The following FRMPD2 variants were observed in gnomAD, a reference collection of about 807,000 sequenced individuals.
FRMPD2 encodes the protein FERM and PDZ domain containing 2.
Under a neutral mutation model 140.1 loss-of-function variants are expected in FRMPD2, and 96 were observed. The observed-to-expected ratio is 0.69, with a 90% confidence interval of 0.58 to 0.81. FRMPD2 has a LOEUF of 0.81. FRMPD2 is among the 40% of genes least tolerant of loss of function. The pLI is 0.00. For missense variants in FRMPD2, 1,240 were observed against 1,447.4 expected (o/e 0.86, Z 2.32); for synonymous variants, 449 against 547.6 (o/e 0.82, Z 2.52).
chr10:48,201,214 C>T lies in FRMPD2; in HGVS notation c.1954+14G>A, dbSNP rs148294746. ...CTTGTCAAAGTGTATATGGAGAATA[C>T]AGCTTCTACTCACCAAATAAAACAT... On this transcript the variant is annotated intron_variant, in intron 15 of 28. Coordinates refer to ENST00000374201, the MANE Select transcript of FRMPD2 (RefSeq NM_001018071.4). 1.7e-5 allele frequency: 27 copies of T among 1,584,946 alleles called. No individual in the cohort carries two copies. In the African/African-American group the frequency reaches 3.3e-4, roughly 19 times the overall value.
chr10:48,213,729 G>C (rs7915014), intron 12 of FRMPD2, among the ~76,000 whole-genome samples: 8 of 152,096 alleles, frequency 5.3e-5, no homozygotes, highest in Admixed American at 3.9e-4. Flanking sequence ...GGTCTGTAAA[G>C]GCTACTTACT....
chr10:48,249,180 T>C lies in FRMPD2; in HGVS notation c.152-2A>G, dbSNP rs755760479. The C allele has an allele frequency of 1.9e-5, 30 of 1,613,288 alleles. No individual in the cohort carries two copies. The highest frequency in any genetic ancestry group is 2.5e-5 in the Non-Finnish European group (29 of 1,179,602). ...GGCAAACCACATAGTCCGAGGAATC[T>C]GAAACCAAGCCAGTGATGGGGCTGT... On this transcript the variant is annotated splice_acceptor_variant, in intron 2 of 28. Transcript: ENST00000374201. LOFTEE classifies it high-confidence loss of function.
chr10:48,270,676 G>A (rs1295311833), intron 1 of FRMPD2, among the ~76,000 whole-genome samples: 1 of 151,882 alleles, frequency 6.6e-6, no homozygotes, highest in East Asian at 1.9e-4. Flanking sequence ...CCCCTTAGAT[G>A]TAGAGAGCTG....
chr10:48,233,476 A>G (rs1310898966), intron 9 of FRMPD2, among the ~76,000 whole-genome samples: 1 of 152,192 alleles, frequency 6.6e-6, no homozygotes, highest in Non-Finnish European at 1.5e-5. Flanking sequence ...GCTGGGAGGC[A>G]GGTCTGACCC....
chr10:48,195,947 G>A (rs759153566), intron 15 of FRMPD2, among the ~76,000 whole-genome samples: 15 of 152,224 alleles, frequency 9.9e-5, no homozygotes, highest in Non-Finnish European at 2.1e-4. Flanking sequence ...ACAGAGGTCT[G>A]CACAGCAGAG....
chr10:48,195,945 C>G (rs200322107), intron 15 of FRMPD2, among the ~76,000 whole-genome samples: 4 of 152,316 alleles, frequency 2.6e-5, no homozygotes, highest in South Asian at 2.1e-4. Flanking sequence ...AGACAGAGGT[C>G]TGCACAGCAG....
At chr10:48,264,218 C>T (rs182977802) in intron 1 of FRMPD2, among the ~76,000 whole-genome samples, 19 of 151,746 alleles carry the variant, frequency 1.3e-4, no homozygotes, top group African/African-American at 3.9e-4. Context: ...AGATGTATTC[C>T]TGCTAAGATC....
intron 18 of FRMPD2, 113 bp from the exon 19 acceptor site, chr10:48,184,994 G>C (rs993220017): frequency 4.3e-6 from 3 of 690,752 alleles, no homozygotes; most frequent in Non-Finnish European, 7.4e-6. Context: ...TTAGCTGATA[G>C]TTACAGTCAG....
intron 1 of FRMPD2, 38 bp downstream of exon 1, chr10:48,274,505 A>G: frequency 6.2e-7 from 1 of 1,607,018 alleles, no homozygotes; most frequent in Non-Finnish European, 8.5e-7. Flanking sequence ...TTCCCTGACC[A>G]GATTTATAGG....
At chr10:48,191,283 G>A (rs974594803) in intron 16 of FRMPD2, among the ~76,000 whole-genome samples, 25 of 152,160 alleles carry the variant, frequency 1.6e-4, no homozygotes, top group African/African-American at 4.6e-4. Context: ...GAACAAAGTC[G>A]TCTTGCGTCC....
intron 1 of FRMPD2, among the ~76,000 whole-genome samples, chr10:48,252,531 AC>A (rs992147566): frequency 1.3e-5 from 2 of 151,770 alleles, no homozygotes; most frequent in Non-Finnish European, 2.9e-5. Context: ...ACATAGAGGC[AC>A]CCCCATCCCC....
At chr10:48,167,407 GC>G (rs1204069676) in intron 27 of FRMPD2, among the ~76,000 whole-genome samples, 1 of 33,252 alleles carries the variant, frequency 3.0e-5, no homozygotes. Context: ...CCCTGGGGCA[GC>G]CCACACCCCA....
At chr10:48,209,623 A>T (rs1214451282) in intron 13 of FRMPD2, among the ~76,000 whole-genome samples, 1 of 152,244 alleles carries the variant, frequency 6.6e-6, no homozygotes. Context: ...CTGAGGATCC[A>T]CGGCCTTCCA....
intron 1 of FRMPD2, 100 bp from the exon 2 acceptor site, chr10:48,251,791 CT>C: frequency 1.4e-6 from 2 of 1,394,942 alleles, no homozygotes; most frequent in East Asian, 4.6e-5. Context: ...GGTCTGGCCA[CT>C]ACTGCACACC....
intron 9 of FRMPD2, among the ~76,000 whole-genome samples, chr10:48,235,799 A>T (rs1839953863): frequency 6.6e-6 from 1 of 152,174 alleles, no homozygotes; most frequent in African/African-American, 2.4e-5. Context: ...ACATGGACAG[A>T]TATGTTCTGG....
Position 48,211,200 on chromosome 10 carries a change from G to A in FRMPD2, c.1611+754C>T, listed in dbSNP as rs913270270. Among the ~76,000 whole-genome samples, 49 of 152,246 alleles carry A rather than the reference G, an allele frequency of 3.2e-4. 1 individual carries two copies. The highest frequency in any genetic ancestry group is 1.2e-3 in the African/African-American group (48 of 41,458). On this transcript the variant is annotated intron_variant, in intron 13 of 28. Transcript: ENST00000374201. The stretch of plus-strand genomic sequence containing the variant: ...TCCAGTGCCTGGCCCACAGCAAGGG[G>A]AGATTGTGGAGTAGCAAAGACTATT...
chr10:48,204,598 G>A (rs528914886), intron 14 of FRMPD2, among the ~76,000 whole-genome samples: 13 of 152,292 alleles, frequency 8.5e-5, no homozygotes, highest in Non-Finnish European at 1.6e-4. Context: ...GGCATTGTCA[G>A]GAAGTTAATA....
intron 1 of FRMPD2, among the ~76,000 whole-genome samples, chr10:48,270,619 G>A (rs578057379): frequency 2.0e-5 from 3 of 152,084 alleles, no homozygotes; most frequent in South Asian, 4.2e-4. Flanking sequence ...GCTCAGACCC[G>A]TTTCTTGAGC....
At chr10:48,250,463 C>T (rs1024306856) in intron 2 of FRMPD2, among the ~76,000 whole-genome samples, 7 of 152,168 alleles carry the variant, frequency 4.6e-5, no homozygotes, top group South Asian at 2.1e-4. Context: ...TGCAATAGCG[C>T]GATCTCAGCT....
Sources: allele counts gnomAD v4.1 joint callset (sites outside exome capture counted in the v4.1 genomes callset), GRCh38; gene constraint gnomAD v4.1.1; transcripts MANE v1.5; gene names NCBI Gene and HGNC (gene_info 2026-07-23, HGNC 2026-07-21).